RUFY3: variants seen among roughly 807,000 people sequenced by gnomAD.
RUFY3 encodes RUN and FYVE domain containing 3.
In RUFY3, 34 loss-of-function variants were observed where a neutral mutation model predicts 84.0. The ratio of observed to expected loss-of-function variants is 0.40; its 90% CI spans 0.31 to 0.54. The LOEUF (loss-of-function observed/expected upper bound fraction) is 0.54. RUFY3 is among the 20% of genes least tolerant of loss of function. The pLI, the probability that RUFY3 is intolerant of heterozygous loss-of-function variation, is 0.39. For synonymous variants in RUFY3, 242 were observed against 252.9 expected, an observed-to-expected ratio of 0.96 and a Z score of 0.41; for missense variants, 507 against 736.8, an observed-to-expected ratio of 0.69 and a Z score of 3.61.
At chr4:70,711,736 C>A (rs1479962990) in intron 1 of RUFY3, among the ~76,000 whole-genome samples, 1 of 152,190 alleles carries the variant, frequency 6.6e-6, no homozygotes, top group African/African-American at 2.4e-5. Flanking sequence ...TTGGCTCCTT[C>A]CACACACAGC....
At chr4:70,763,720 A>G (rs1578129708) in intron 3 of RUFY3, 51 bp downstream of exon 3, 5 of 1,586,352 alleles carry the variant, frequency 3.2e-6, no homozygotes, top group Middle Eastern at 2.1e-4. Flanking sequence ...CTTATTAACT[A>G]TCCCTTGAAG....
intron 1 of RUFY3, among the ~76,000 whole-genome samples, chr4:70,742,302 G>A (rs544909798): frequency 2.6e-5 from 4 of 152,222 alleles, no homozygotes; most frequent in Admixed American, 6.5e-5. Flanking sequence ...AGCTCAGAGC[G>A]ATTTACACAT....
At chr4:70,724,308 AT>A (rs1169471813) in intron 1 of RUFY3, among the ~76,000 whole-genome samples, 1 of 152,188 alleles carries the variant, frequency 6.6e-6, no homozygotes, top group Non-Finnish European at 1.5e-5. Context: ...TTTGAAAAAA[AT>A]GTATTCCCGT....
In RUFY3 at chr4:70,775,163, C is replaced by G. The variant is rs753439404; in HGVS notation, c.759-5C>G. ...TTTATTTCTATTTTCTTCCCCTTCC[C>G]CCAGAGACGGTCAGATTACTGCAAT... On this transcript the variant is annotated splice_region_variant and splice_polypyrimidine_tract_variant and intron_variant, in intron 6 of 17. Coordinates refer to ENST00000381006, the MANE Select transcript of RUFY3 (RefSeq NM_001037442.4). The G allele has an allele frequency of 8.2e-6, 13 of 1,590,496 alleles. No individual in the cohort carries two copies. In the East Asian group the frequency reaches 2.7e-4, roughly 33 times the overall value.
At chr4:70,763,780 A>G (rs1725407572) in intron 3 of RUFY3, 111 bp downstream of exon 3, 1 of 1,301,460 alleles carries the variant, frequency 7.7e-7, no homozygotes, top group Admixed American at 2.3e-5. Flanking sequence ...ATAACAATCC[A>G]AAATGCATGA....
intron 6 of RUFY3, among the ~76,000 whole-genome samples, chr4:70,774,116 T>C (rs1459264509): frequency 6.6e-6 from 1 of 152,192 alleles, no homozygotes; most frequent in Admixed American, 6.5e-5. Context: ...AATTTAGCCA[T>C]TGAAAGCATA....
chr4:70,792,015 G>A, intron 12 of RUFY3: 1 of 985,158 alleles, frequency 1.0e-6, no homozygotes, highest in Non-Finnish European at 1.2e-6. Context: ...GTGGACGCCT[G>A]GGGAAACCCT....
intron 9 of RUFY3, 111 bp from the exon 10 acceptor site, chr4:70,784,685 T>A: frequency 1.7e-6 from 1 of 587,262 alleles, no homozygotes; most frequent in Non-Finnish European, 2.7e-6. Flanking sequence ...GTTTGTTCAT[T>A]ATTATACCTG....
chr4:70,806,361 A>G (rs961222226), intron 17 of RUFY3, among the ~76,000 whole-genome samples, 155 bp from the exon 18 acceptor site: 2 of 152,146 alleles, frequency 1.3e-5, no homozygotes, highest in Admixed American at 6.5e-5. Flanking sequence ...TTTTTTGTAG[A>G]TTGGGCCTGT....
chr4:70,751,833 G>A (rs1020085405), intron 1 of RUFY3, among the ~76,000 whole-genome samples: 3 of 152,110 alleles, frequency 2.0e-5, no homozygotes, highest in Non-Finnish European at 4.4e-5. Flanking sequence ...TTCCTTCTAA[G>A]AGTTTTATAG....
At chr4:70,745,257 A>T (rs920008236) in intron 1 of RUFY3, among the ~76,000 whole-genome samples, 16 of 152,204 alleles carry the variant, frequency 1.1e-4, no homozygotes, top group Admixed American at 2.6e-4. Flanking sequence ...ACTATTTTTT[A>T]CAGTGATGAT....
rs972102487 is a variant in RUFY3, at chr4:70,715,403, G to A, written c.358+10109G>A. The stretch of plus-strand genomic sequence containing the variant: ...GTTCAAGACCAGGCTGGCCAACATG[G>A]CGAAACCCTGTCTCTACTAAAAAAA... On this transcript the variant is annotated intron_variant, in intron 1 of 11. Transcript: ENST00000417478. 3.3e-5 allele frequency among the ~76,000 whole-genome samples: 5 copies of A among 151,900 alleles called. No homozygotes were observed. In the East Asian group the frequency reaches 9.7e-4, roughly 29 times the overall value.
intron 1 of RUFY3, among the ~76,000 whole-genome samples, chr4:70,705,657 T>TGTCCCGG (rs989899722): frequency 2.6e-5 from 4 of 152,104 alleles, no homozygotes; most frequent in Non-Finnish European, 2.9e-5. Context: ...GCCCTGGCCC[T>TGTCCCGG]GTCCCGGGTC....
chr4:70,732,619 A>G (rs1361192873), intron 1 of RUFY3, among the ~76,000 whole-genome samples: 1 of 152,162 alleles, frequency 6.6e-6, no homozygotes, highest in East Asian at 1.9e-4. Context: ...GACATGGATG[A>G]AGCTGGAAAC....
intron 15 of RUFY3, 164 bp from the exon 16 acceptor site, chr4:70,802,792 C>A: frequency 2.0e-6 from 1 of 492,618 alleles, no homozygotes. Context: ...GTTTCCTCTC[C>A]TTGGAGGTCA....
chr4:70,774,123 CATA>C (rs1727436831), intron 6 of RUFY3, among the ~76,000 whole-genome samples: 1 of 152,086 alleles, frequency 6.6e-6, no homozygotes. Context: ...CCATTGAAAG[CATA>C]ATTAGTCTGA....
chr4:70,794,069 A>G (rs1362102367), intron 13 of RUFY3, among the ~76,000 whole-genome samples, 165 bp downstream of exon 13: 3 of 152,176 alleles, frequency 2.0e-5, no homozygotes, highest in Non-Finnish European at 2.9e-5. Flanking sequence ...ACATTCCCCA[A>G]ATCCGATCAA....
chr4:70,751,470 G>A (rs1160550450), intron 1 of RUFY3, among the ~76,000 whole-genome samples: 1 of 152,148 alleles, frequency 6.6e-6, no homozygotes, highest in Non-Finnish European at 1.5e-5. Flanking sequence ...CCTAGTGAGT[G>A]TGAAAAGGTA....
chr4:70,755,118 G>T (rs1217977613), intron 1 of RUFY3, among the ~76,000 whole-genome samples: 3 of 152,180 alleles, frequency 2.0e-5, no homozygotes, highest in African/African-American at 7.2e-5. Flanking sequence ...TGGCTAGGCT[G>T]GTCTCAAACT....
Sources: allele counts gnomAD v4.1 joint callset (sites outside exome capture counted in the v4.1 genomes callset), GRCh38; gene constraint gnomAD v4.1.1; transcripts MANE v1.5; gene names NCBI Gene and HGNC (gene_info 2026-07-23, HGNC 2026-07-21).